PWWP3A: variants seen among roughly 807,000 people sequenced by gnomAD.
The protein encoded by PWWP3A is PWWP domain-containing DNA repair factor 3A.
PWWP3A carries 53 observed loss-of-function variants against 79.0 expected under a neutral mutation model. The ratio of observed to expected loss-of-function variants is 0.67; its 90% CI spans 0.54 to 0.84. The LOEUF (loss-of-function observed/expected upper bound fraction) is 0.84, where lower values mean the gene tolerates loss of function less well. Ranked by LOEUF, PWWP3A falls within the 40% of genes least tolerant of loss-of-function variation. The probability of loss-of-function intolerance (pLI) is 0.00; values close to 1 mark genes in which losing one functional copy is unlikely to be tolerated. For missense variants in PWWP3A, 973 were observed against 948.0 expected, an observed-to-expected ratio of 1.03 and a Z score of -0.35; for synonymous variants, 443 against 394.4, an observed-to-expected ratio of 1.12 and a Z score of -1.46.
chr19:1,360,932 G>T lies in PWWP3A; in HGVS notation c.1011G>T (p.Val337=). The change falls in exon 5 of 14, where the codon GTG becomes GTT. Residue 337 remains valine (V), a synonymous_variant. Transcript: ENST00000591337. This position sits in a 1 kb window ranked among gnomAD's most constrained non-coding sequence, Gnocchi z 4.4. ...CGGGGCCAGGGCCCAGAGAGTCTGT[G>T]ACCCCGCGCAGCACCGCCAGGCTGG... ...PGPGPGPRES[V]TPRSTARLGP... The T allele has an allele frequency of 6.6e-7, 1 of 1,526,698 alleles. No individual in the cohort carries two copies. Among genetic ancestry groups the T allele is most frequent in the South Asian group, 1.2e-5 (1 of 81,098 alleles). The allele number at this position is 1,526,698 out of a possible 1,614,324, so 94.6% of individuals were successfully genotyped here. A position where few individuals can be genotyped will look rare whatever the true frequency, so the allele number is the denominator to read the frequency against.
chr19:1,369,593 C>T lies in PWWP3A; in HGVS notation c.1499-3C>T, dbSNP rs969513696. ...AGTGCTCTCTCCCCTCCACCCCCTG[C>T]AGGCTGCGGGTCTTTTGCTGGCTCT... On this transcript the variant is annotated splice_polypyrimidine_tract_variant and splice_region_variant and intron_variant, in intron 10 of 13. Coordinates refer to ENST00000591337, the MANE Select transcript of PWWP3A (RefSeq NM_001369789.1). The surrounding 1 kb of genome is among the most constrained non-coding windows in gnomAD (Gnocchi z 4.0). The T allele has an allele frequency of 5.6e-6, 9 of 1,614,098 alleles. No individual in the cohort carries two copies. In the Admixed American group the frequency reaches 8.3e-5, roughly 15 times the overall value.
rs960564188 is a variant in PWWP3A at position 1,357,077 on chromosome 19, C to T, written c.126C>T (p.Ile42=). The change falls in exon 3 of 14, where the codon ATC becomes ATT. Residue 42 remains isoleucine, a synonymous_variant. Transcript: ENST00000591337. The part of the protein sequence containing the change: ...RRKEYFLAVQ[I]LSLEEKIKVK... ...AGGAATATTTTCTAGCTGTGCAAAT[C>T]CTCTCTCTAGAGGAAAAGTTAAGTG... The T allele has an allele frequency of 1.7e-5, 27 of 1,611,620 alleles. No individual in the cohort carries two copies. In the East Asian group the frequency reaches 5.4e-4, roughly 32 times the overall value.
chr19:1,370,518 G>T (rs995651167), intron 11 of PWWP3A, 124 bp from the exon 12 acceptor site: 2 of 855,152 alleles, frequency 2.3e-6, no homozygotes, highest in Non-Finnish European at 3.4e-6. Flanking sequence ...GTGCTAACAC[G>T]GAGCTCGATC....
intron 6 of PWWP3A, chr19:1,364,014 T>C (rs2082075684): frequency 5.3e-6 from 2 of 375,124 alleles, no homozygotes; most frequent in Non-Finnish European, 1.1e-5. Flanking sequence ...TCATAAATAG[T>C]TTCTAGTTAT....
Position 1,370,889 on chromosome 19 carries a change from T to C in PWWP3A, c.1797T>C (p.Ser599=). ...CCATCCTAAAGAGCAGGAAGCCATC[T>C]CGCTGGCTGCAGACCTTCCTGAGCT... ...LRAILKSRKP[S]RWLQTFLSSS... is the part of the protein sequence containing the mutation. The change falls in exon 12 of 14, where the codon TCT becomes TCC. Residue 599 remains serine (S), a synonymous_variant. Transcript: ENST00000591337. 1 of 1,555,924 alleles carries C rather than the reference T, an allele frequency of 6.4e-7. No individual in the cohort carries two copies. The highest frequency in any genetic ancestry group is 8.7e-7 in the Non-Finnish European group (1 of 1,149,430).
At chr19:1,375,873 T>C (rs2082379299) in intron 13 of PWWP3A, among the ~76,000 whole-genome samples, 1 of 143,452 alleles carries the variant, frequency 7.0e-6, no homozygotes, top group Non-Finnish European at 1.5e-5. Flanking sequence ...TGGCACAGTC[T>C]CGGCCCACTG....
intron 1 of PWWP3A, among the ~76,000 whole-genome samples, chr19:1,355,689 G>T (rs10164311): frequency 5.0e-4 from 75 of 150,866 alleles, no homozygotes; most frequent in Non-Finnish European, 9.3e-4. Context: ...TTCTGCTGCT[G>T]CTGTGATCCC....
In PWWP3A at chr19:1,376,492, TA is replaced by T. The variant is rs748738297; in HGVS notation, c.2076-23del. 8 of 1,610,722 alleles carry T rather than the reference TA, an allele frequency of 5.0e-6. No homozygotes were observed. In the African/African-American group the frequency reaches 9.3e-5, roughly 19 times the overall value. ...TCTTTAACACACAATGATTAATTAC[TA>T]AAATGAAGACTCTTGTTTTCTGAAG... On this transcript the variant is annotated intron_variant, in intron 13 of 13. Coordinates refer to ENST00000591337, the MANE Select transcript of PWWP3A (RefSeq NM_001369789.1).
intron 13 of PWWP3A, among the ~76,000 whole-genome samples, chr19:1,375,135 A>G (rs145766663): frequency 3.0e-4 from 45 of 151,066 alleles, no homozygotes; most frequent in African/African-American, 1.1e-3. Context: ...AGGCAGGGGA[A>G]TCGCTTGAAC....
chr19:1,366,894 C>G (rs1041481866), intron 8 of PWWP3A, among the ~76,000 whole-genome samples: 1 of 152,184 alleles, frequency 6.6e-6, no homozygotes, highest in Non-Finnish European at 1.5e-5. Context: ...GTGCTGCCCC[C>G]GAGGGGTGGG....
intron 4 of PWWP3A, 94 bp downstream of exon 4, chr19:1,358,558 C>T: frequency 6.2e-7 from 1 of 1,602,382 alleles, no homozygotes; most frequent in Non-Finnish European, 8.5e-7. Flanking sequence ...TAAAAATTCA[C>T]CCTGTTCACC....
rs2082415950 is a variant in PWWP3A at position 1,376,958 on chromosome 19, T to C, written c.*382T>C. ...TAAACGGGAGGTTTTAAGAAGCGTC[T>C]GCCGTGATCATGGAGCTTCGGAAGC... On this transcript the variant is annotated 3_prime_UTR_variant, in exon 14 of 14. Transcript: ENST00000591337. The C allele has an allele frequency of 6.0e-6, 1 of 165,480 alleles. No homozygotes were observed. The highest frequency in any genetic ancestry group is 1.9e-4 in the South Asian group (1 of 5,350). 10.3% of individuals were successfully genotyped at this position (165,480 alleles called of 1,614,324 possible). A position where few individuals can be genotyped will look rare whatever the true frequency, so the allele number is the denominator to read the frequency against.
chr19:1,372,870 G>A lies in PWWP3A; in HGVS notation c.1987-202G>A, dbSNP rs185764480. The A allele has an allele frequency of 3.3e-3, 1,850 of 557,194 alleles. 32 individuals carry two copies. The highest frequency in any genetic ancestry group is 0.032 in the African/African-American group (1,666 of 52,818). 34.5% of individuals were successfully genotyped at this position (557,194 alleles called of 1,614,324 possible). Reference sequence around the variant, plus strand: ...TGATCTGAGCTATTGTGTCTAGTCCGAAAGATAGTACTGATTTAATTAAGA... The same window carrying A: ...TGATCTGAGCTATTGTGTCTAGTCCAAAAGATAGTACTGATTTAATTAAGA... On this transcript the variant is annotated intron_variant, in intron 12 of 13. Coordinates refer to ENST00000591337, the MANE Select transcript of PWWP3A (RefSeq NM_001369789.1).
At chr19:1,363,598 C>T (rs762673386) in intron 6 of PWWP3A, among the ~76,000 whole-genome samples, 2 of 152,226 alleles carry the variant, frequency 1.3e-5, no homozygotes, top group African/African-American at 2.4e-5. Context: ...CTCCTGCCTG[C>T]GGTGGGAGCT....
intron 9 of PWWP3A, among the ~76,000 whole-genome samples, chr19:1,367,986 G>A (rs531133112): frequency 4.6e-5 from 7 of 152,244 alleles, no homozygotes; most frequent in Non-Finnish European, 1.0e-4. Flanking sequence ...GTGCAGCGGT[G>A]CGATCTCAGC....
Position 1,368,997 on chromosome 19 carries a change from G to A in PWWP3A, c.1423-268G>A, listed in dbSNP as rs183945731. ...CATCGGGTCCCCGGTGCCCACCTGC[G>A]TTCAGATCAGCCCAAGCCATCGGGT... On this transcript the variant is annotated intron_variant, in intron 9 of 13. Transcript: ENST00000591337. This position sits in a 1 kb window ranked among gnomAD's most constrained non-coding sequence, Gnocchi z 4.7. 17 of 391,554 alleles carry A rather than the reference G, an allele frequency of 4.3e-5. No individual in the cohort carries two copies. In the East Asian group the frequency reaches 8.1e-4, roughly 19 times the overall value. 24.3% of individuals were successfully genotyped at this position (391,554 alleles called of 1,614,324 possible). A position where few individuals can be genotyped will look rare whatever the true frequency, so the allele number is the denominator to read the frequency against.
intron 13 of PWWP3A, among the ~76,000 whole-genome samples, chr19:1,375,550 T>TATATATATATAAA (rs1568965456): frequency 4.2e-4 from 1 of 2,398 alleles, no homozygotes; most frequent in South Asian, 0.023. Context: ...ATATATAAAA[T>TATATATATATAAA]ATATATTATA....
At position 1,376,308 on chromosome 19, in the gene PWWP3A, TTTG is replaced by T. The variant is rs1278842881; in HGVS notation, c.2076-208_2076-206del. Among the ~76,000 whole-genome samples the T allele has an allele frequency of 7.4e-4, 57 of 77,426 alleles. 3 individuals carry two copies. Among genetic ancestry groups the T allele is most frequent in the African/African-American group, 1.8e-3 (25 of 13,632 alleles). The allele number at this position is 77,426 out of a possible 152,430, so 50.8% of individuals were successfully genotyped here. Reference sequence around the variant, plus strand: ...GCCCGGCTGTTTGTTTTTTTTTTTGTTTGTTTTTTTTTTTTTTTGGTATTTTTT... The same window carrying T: ...GCCCGGCTGTTTGTTTTTTTTTTTGTTTTTTTTTTTTTTTTGGTATTTTTT... On this transcript the variant is annotated intron_variant, in intron 13 of 13. Transcript: ENST00000591337.
At chr19:1,376,307 GTTTGTTTTTTT>G (rs2082397655) in intron 13 of PWWP3A, among the ~76,000 whole-genome samples, 1 of 70,388 alleles carries the variant, frequency 1.4e-5, no homozygotes, top group African/African-American at 6.9e-5. Flanking sequence ...TTTTTTTTTT[GTTTGTTTTTTT>G]TTTTTTTTGG....
Sources: allele counts gnomAD v4.1 joint callset (sites outside exome capture counted in the v4.1 genomes callset), GRCh38; gene constraint gnomAD v4.1.1; non-coding constraint Gnocchi (gnomAD v3.1); transcripts MANE v1.5; gene names NCBI Gene and HGNC (gene_info 2026-07-23, HGNC 2026-07-21).